Variants in ANXA4 observed in about 807,000 individuals in gnomAD.
ANXA4 encodes annexin A4, also known as 35-beta calcimedin.
A neutral mutation model predicts 49.8 loss-of-function variants in ANXA4; 39 were observed. The ratio of observed to expected loss-of-function variants is 0.78; its 90% confidence interval spans 0.61 to 1.02. The LOEUF (loss-of-function observed/expected upper bound fraction) is 1.02. Among genes scored for constraint, ANXA4 ranks in the 50% least tolerant of loss-of-function variants. The probability of loss-of-function intolerance (pLI) is 0.00; values close to 1 mark genes in which losing one functional copy is unlikely to be tolerated. For synonymous variants in ANXA4, 134 were observed against 152.5 expected, an observed-to-expected ratio of 0.88 and a Z score of 0.89; for missense variants, 360 against 410.1, an observed-to-expected ratio of 0.88 and a Z score of 1.05.
intron 1 of ANXA4, among the ~76,000 whole-genome samples, chr2:69,768,601 C>T (rs1382969853): frequency 1.3e-5 from 2 of 152,080 alleles, no homozygotes; most frequent in African/African-American, 4.8e-5. Context: ...CAAATGGTAC[C>T]TGACATGGGG....
chr2:69,727,317 T>C (rs1669987289), intron 3 of ANXA4, among the ~76,000 whole-genome samples: 1 of 152,254 alleles, frequency 6.6e-6, no homozygotes, highest in South Asian at 2.1e-4. Context: ...TCAGCTTAAA[T>C]TGATGCTGCC....
At chr2:69,780,350 AC>A (rs1244205526) in intron 1 of ANXA4, among the ~76,000 whole-genome samples, 4 of 151,764 alleles carry the variant, frequency 2.6e-5, no homozygotes, top group African/African-American at 4.8e-5. Context: ...GTGTGCCACT[AC>A]CCCCCAGCTA....
chr2:69,670,394 C>T (rs1029778336), intron 2 of ANXA4, among the ~76,000 whole-genome samples: 4 of 146,958 alleles, frequency 2.7e-5, no homozygotes, highest in Non-Finnish European at 5.9e-5. Flanking sequence ...GAGCTGAGAT[C>T]GCACCACTGC....
At chr2:69,644,165 T>TTCGCGCC (rs1553424953), upstream of ANXA4, among the ~76,000 whole-genome samples, 8 of 21,114 alleles carry the variant, frequency 3.8e-4, 3 homozygotes, top group African/African-American at 1.2e-3. Flanking sequence ...ACAACTAAGT[T>TTCGCGCC]CCCCCCCCCC....
At chr2:69,680,958 G>C (rs1415614473) in intron 2 of ANXA4, among the ~76,000 whole-genome samples, 2 of 152,036 alleles carry the variant, frequency 1.3e-5, no homozygotes, top group Non-Finnish European at 2.9e-5. Context: ...AATGACCTTA[G>C]TTTTCTTTTT....
intron 2 of ANXA4, chr2:69,653,428 G>A (rs1166412851): frequency 6.6e-6 from 1 of 152,208 alleles, no homozygotes. Context: ...CAGGTAAACT[G>A]GAACATATAC....
rs190096313 is a variant in ANXA4, at chr2:69,699,238, T to G, written n.767-21536T>G. Among the ~76,000 whole-genome samples, 293 of 152,348 alleles carry G rather than the reference T, an allele frequency of 1.9e-3. 2 individuals are homozygous for G. Among genetic ancestry groups the G allele is most frequent in the African/African-American group, 6.4e-3 (268 of 41,578 alleles). On this transcript the variant is annotated intron_variant and non_coding_transcript_variant, in intron 2 of 3. Transcript: ENST00000418066. ...AGAGCCAGGGTAAACTTTGGTCTCC[T>G]GGCCCCACCTTCCAGGGCTCTTTTC...
intron 2 of ANXA4, 60 bp downstream of exon 2, chr2:69,781,634 G>A: frequency 6.3e-7 from 1 of 1,597,308 alleles, no homozygotes; most frequent in Non-Finnish European, 8.6e-7. Context: ...ACAGAATGTG[G>A]GCTCAGCAAC....
At chr2:69,678,108 C>T (rs1677468949) in intron 2 of ANXA4, among the ~76,000 whole-genome samples, 2 of 152,098 alleles carry the variant, frequency 1.3e-5, no homozygotes, top group African/African-American at 2.4e-5. Flanking sequence ...TGCTTTATTT[C>T]GGCGGTCTGG....
At chr2:69,814,744 G>GTA (rs1491582951) in intron 8 of ANXA4, 24 of 17,028 alleles carry the variant, frequency 1.4e-3, no homozygotes, top group African/African-American at 4.3e-3. Context: ...ACACAGAGGG[G>GTA]TGTGTGTGTG....
At chr2:69,682,328 T>A (rs545935753) in intron 2 of ANXA4, among the ~76,000 whole-genome samples, 24 of 152,342 alleles carry the variant, frequency 1.6e-4, no homozygotes, top group African/African-American at 2.9e-4. Context: ...AAATTTTTTT[T>A]AAATTTTCTT....
chr2:69,709,621 C>T (rs1024744021), intron 2 of ANXA4, among the ~76,000 whole-genome samples: 4 of 152,178 alleles, frequency 2.6e-5, no homozygotes, highest in African/African-American at 7.2e-5. Context: ...AGCCACATCC[C>T]AGAAATCTAC....
chr2:69,781,390 A>C, intron 1 of ANXA4, 130 bp from the exon 2 acceptor site: 1 of 713,798 alleles, frequency 1.4e-6, no homozygotes, highest in Non-Finnish European at 2.4e-6. Context: ...CTAATCAGTA[A>C]CTGGCCTTTT....
chr2:69,783,277 G>A (rs1186785043), intron 2 of ANXA4, among the ~76,000 whole-genome samples: 1 of 151,926 alleles, frequency 6.6e-6, no homozygotes, highest in African/African-American at 2.4e-5. Flanking sequence ...GAGAGCAGTG[G>A]CGCGATCTTG....
chr2:69,737,393 CCT>C (rs773470118), upstream of ANXA4, among the ~76,000 whole-genome samples: 1 of 152,110 alleles, frequency 6.6e-6, no homozygotes, highest in Non-Finnish European at 1.5e-5. Flanking sequence ...CATTTCTTCC[CCT>C]GTTTCCCAGA....
At chr2:69,717,616 G>A (rs79707486) in intron 2 of ANXA4, among the ~76,000 whole-genome samples, 1,821 of 152,154 alleles carry the variant, frequency 0.012, 44 homozygotes, top group African/African-American at 0.042. Flanking sequence ...TTCTGTTACC[G>A]CCATTTCCTC....
intron 3 of ANXA4, among the ~76,000 whole-genome samples, chr2:69,733,571 C>T (rs548932267): frequency 2.9e-4 from 43 of 150,768 alleles, no homozygotes; most frequent in Admixed American, 6.6e-4. Flanking sequence ...GTGATTGCAC[C>T]ACTGCACTCC....
chr2:69,663,052 G>T (rs186791876), intron 2 of ANXA4, among the ~76,000 whole-genome samples: 421 of 136,812 alleles, frequency 3.1e-3, no homozygotes, highest in African/African-American at 0.011. Context: ...GAGTGCAGTC[G>T]CATGATCTCC....
chr2:69,810,790 T>A, intron 7 of ANXA4, 117 bp downstream of exon 7: 4 of 777,036 alleles, frequency 5.1e-6, no homozygotes. Context: ...GGTAGTGTTC[T>A]CAGACCCCTC....
Sources: gnomAD v4.1 joint callset for allele counts (sites outside exome capture counted in the v4.1 genomes callset) on GRCh38, gnomAD v4.1.1 for gene constraint, MANE v1.5 for transcripts, NCBI Gene and HGNC (gene_info 2026-07-23, HGNC 2026-07-21) for gene names.